The following RLIG1 variants were observed in gnomAD, a reference collection of about 807,000 sequenced individuals.
RLIG1 encodes RNA 5'-phosphate and 3'-OH ligase 1.
the RLIG1 span, chr12:88,040,080 G>T: frequency 2.5e-6 from 2 of 786,840 alleles, no homozygotes. Flanking sequence ...AAGATTTCAG[G>T]TGAGCATGTG....
chr12:88,045,599 A>G, the RLIG1 span: 10 of 1,611,432 alleles, frequency 6.2e-6, no homozygotes, highest in East Asian at 4.5e-5. Context: ...ACCAGTAGAG[A>G]AAAACAACAA....
chr12:88,043,759 A>T, the RLIG1 span: 1 of 1,269,952 alleles, frequency 7.9e-7, no homozygotes, highest in South Asian at 1.3e-5. Flanking sequence ...TTTACTAGTA[A>T]AATGATCAAA....
chr12:88,049,424 A>T, the RLIG1 span: 1 of 1,288,952 alleles, frequency 7.8e-7, no homozygotes, highest in Non-Finnish European at 1.1e-6. Context: ...CCTAATGGAA[A>T]CATTATCTTT....
the RLIG1 span, chr12:88,050,063 A>C: frequency 4.4e-6 from 1 of 229,240 alleles, no homozygotes; most frequent in Non-Finnish European, 8.3e-6. Flanking sequence ...TTTCAAAAAA[A>C]AAATAAAGAC....
chr12:88,043,011 GTAATT>G, the RLIG1 span: 1 of 615,508 alleles, frequency 1.6e-6, no homozygotes, highest in Non-Finnish European at 2.5e-6. Context: ...ATCCTTCTGT[GTAATT>G]TAAGCAATTT....
At chr12:88,044,619 G>A in the RLIG1 span, 1 of 152,168 alleles carries the variant, frequency 6.6e-6, no homozygotes, top group Non-Finnish European at 1.5e-5. Flanking sequence ...TGCCACTGGA[G>A]AAAAGAGGAA....
chr12:88,046,855 C>G, the RLIG1 span: 1 of 1,612,908 alleles, frequency 6.2e-7, no homozygotes, highest in Non-Finnish European at 8.5e-7. Context: ...CCACATGGAG[C>G]ATTTCAAATA....
chr12:88,035,674 G>T, the RLIG1 span: 1 of 1,608,440 alleles, frequency 6.2e-7, no homozygotes, highest in East Asian at 2.2e-5. Context: ...TCCGTGCAGC[G>T]GAAAATGCCG....
At chr12:88,036,094 T>G in the RLIG1 span, 1 of 1,348,618 alleles carries the variant, frequency 7.4e-7, no homozygotes, top group Non-Finnish European at 9.7e-7. Context: ...CAGTCCAAGC[T>G]TTACTACTTT....
At chr12:88,043,707 A>G in the RLIG1 span, 3 of 1,606,546 alleles carry the variant, frequency 1.9e-6, no homozygotes, top group Admixed American at 3.4e-5. Flanking sequence ...GAAAATGGAC[A>G]CATTCCTGGT....
chr12:88,035,597 C>A, the RLIG1 span: 4 of 1,541,580 alleles, frequency 2.6e-6, no homozygotes, highest in Admixed American at 5.8e-5. Context: ...GCGACTGGAC[C>A]GGGCGCCGCT....
the RLIG1 span, chr12:88,045,499 T>G: frequency 2.2e-5 from 22 of 1,016,856 alleles, no homozygotes; most frequent in African/African-American, 3.3e-4. Flanking sequence ...ATGAGAAATT[T>G]ACAACAAAAA....
chr12:88,037,463 A>G, the RLIG1 span, among the ~76,000 whole-genome samples: 1 of 152,116 alleles, frequency 6.6e-6, no homozygotes, highest in Non-Finnish European at 1.5e-5. Context: ...TTTTTATGGA[A>G]GGAATGTTTA....
chr12:88,049,033 A>G, the RLIG1 span: 8 of 440,602 alleles, frequency 1.8e-5, no homozygotes. Flanking sequence ...AAAATTTCAT[A>G]TAATTTTATT....
the RLIG1 span, among the ~76,000 whole-genome samples, chr12:88,037,723 T>G: frequency 6.6e-6 from 1 of 152,212 alleles, no homozygotes; most frequent in South Asian, 2.1e-4. Flanking sequence ...ATTTCTTAGT[T>G]TACCTGTTTG....
At chr12:88,035,857 C>G in the RLIG1 span, 3 of 1,522,780 alleles carry the variant, frequency 2.0e-6, 1 homozygote, top group Middle Eastern at 3.6e-4. Flanking sequence ...AGGCCAGGAA[C>G]CTCTGTAGGT....
At chr12:88,048,213 A>G in the RLIG1 span, 1 of 1,514,432 alleles carries the variant, frequency 6.6e-7, no homozygotes, top group African/African-American at 1.4e-5. Flanking sequence ...GCTAAAGCTA[A>G]TACCTTTTTT....
the RLIG1 span, chr12:88,043,540 A>T: frequency 9.3e-7 from 1 of 1,076,924 alleles, no homozygotes; most frequent in Non-Finnish European, 1.3e-6. Flanking sequence ...GAGTCTGTTT[A>T]GTATTTTACG....
the RLIG1 span, among the ~76,000 whole-genome samples, chr12:88,047,455 ACT>A: frequency 6.6e-6 from 1 of 152,052 alleles, no homozygotes; most frequent in East Asian, 1.9e-4. Flanking sequence ...CCTAGTTGTA[ACT>A]CTCTGAGTCC....
Sources: gnomAD v4.1 joint callset for allele counts (sites outside exome capture counted in the v4.1 genomes callset) on GRCh38, gnomAD v4.1.1 for gene constraint, MANE v1.5 for transcripts, NCBI Gene and HGNC (gene_info 2026-07-23, HGNC 2026-07-21) for gene names.